LIN9: variants seen among roughly 807,000 people sequenced by gnomAD.
LIN9 encodes lin-9 DREAM MuvB core complex component.
LIN9 carries 18 observed loss-of-function variants against 78.0 expected under a neutral mutation model. That is an observed-to-expected ratio of 0.23 (90% CI 0.16 to 0.34). The LOEUF (loss-of-function observed/expected upper bound fraction) is 0.34. LIN9 is among the 10% of genes least tolerant of loss of function. LIN9 has a pLI of 1.00. For missense variants in LIN9, 451 were observed against 644.1 expected (o/e 0.70, Z 3.25); for synonymous variants, 192 against 215.2 (o/e 0.89, Z 0.94).
In LIN9 at chr1:226,266,283, T is replaced by A; in HGVS notation, c.866A>T (p.Gln289Leu). Residue 289 changes from glutamine to leucine, a missense_variant, in exon 9 of 15, where the codon CAG (glutamine) becomes CTG (leucine). Transcript: ENST00000681046. ...GGTCATAAAAAATCGAGAAGGCCGC[T>A]GTTTTTGTCCAAAGGCAGCAATTGG... is the stretch of plus-strand genomic sequence containing the variant. ...TMPIAAFGQK[Q>L]RPSRFFMTPP... 3 of 1,603,328 alleles carry A rather than the reference T, an allele frequency of 1.9e-6. No homozygotes were observed. The highest frequency in any genetic ancestry group is 2.6e-6 in the Non-Finnish European group (3 of 1,173,108).
intron 7 of LIN9, among the ~76,000 whole-genome samples, chr1:226,276,850 T>C (rs1660695581): frequency 6.6e-6 from 1 of 152,230 alleles, no homozygotes; most frequent in African/African-American, 2.4e-5. Flanking sequence ...CAGAATCACA[T>C]CTATAAAACG....
At chr1:226,287,912 C>G (rs1661473171) in intron 4 of LIN9, 115 bp from the exon 5 acceptor site, 2 of 663,454 alleles carry the variant, frequency 3.0e-6, no homozygotes, top group Non-Finnish European at 2.5e-6. Context: ...AAAAGGTTCA[C>G]TGATTCACTG....
chr1:226,276,500 A>G (rs1660668596), intron 7 of LIN9, among the ~76,000 whole-genome samples: 1 of 152,192 alleles, frequency 6.6e-6, no homozygotes, highest in South Asian at 2.1e-4. Context: ...TCTCTCCTAG[A>G]TAAACTGTGT....
intron 11 of LIN9, 112 bp downstream of exon 11, chr1:226,250,727 A>T: frequency 1.6e-6 from 1 of 619,648 alleles, no homozygotes; most frequent in African/African-American, 1.9e-5. Flanking sequence ...TTTAAAAATA[A>T]TATTTATCTG....
rs1332390751 is a variant in LIN9 at position 226,238,894 on chromosome 1, G to A, written c.1245+77C>T. 3 of 1,445,660 alleles carry A rather than the reference G, an allele frequency of 2.1e-6. No individual in the cohort carries two copies. In the African/African-American group the frequency reaches 4.3e-5, roughly 21 times the overall value. The allele number at this position is 1,445,660 out of a possible 1,614,324, so 89.6% of individuals were successfully genotyped here. A position where few individuals can be genotyped will look rare whatever the true frequency, so the allele number is the denominator to read the frequency against. On this transcript the variant is annotated intron_variant, in intron 12 of 14. Transcript: ENST00000681046. Reference sequence around the variant, plus strand: ...CTTTATGAAGATATTGGCTTGGTATGGATTTTCTAAAGTGTGAAAGTAAAA... The same window carrying A: ...CTTTATGAAGATATTGGCTTGGTATAGATTTTCTAAAGTGTGAAAGTAAAA...
At chr1:226,263,657 T>A (rs1659737665) in intron 10 of LIN9, among the ~76,000 whole-genome samples, 1 of 152,222 alleles carries the variant, frequency 6.6e-6, no homozygotes, top group South Asian at 2.1e-4. Flanking sequence ...TAAAAACAAG[T>A]GTCTTCTTTG....
intron 10 of LIN9, among the ~76,000 whole-genome samples, chr1:226,259,945 A>AAATT (rs3046726): frequency 0.67 from 101,844 of 151,052 alleles, 34,442 homozygotes; most frequent in East Asian, 0.7. Context: ...TGAAAACAGA[A>AAATT]AATAGAAAAA....
At chr1:226,256,650 C>T (rs985205272) in intron 10 of LIN9, among the ~76,000 whole-genome samples, 1 of 151,808 alleles carries the variant, frequency 6.6e-6, no homozygotes, top group Non-Finnish European at 1.5e-5. Flanking sequence ...GCTCCGCCTC[C>T]TGGGTTCACA....
At chr1:226,309,647 T>G, upstream of LIN9, 1 of 1,277,610 alleles carries the variant, frequency 7.8e-7, no homozygotes, top group Admixed American at 2.4e-5. Context: ...CCCACGTTGC[T>G]TGGGCGCCTC....
chr1:226,261,427 T>TG, intron 10 of LIN9, among the ~76,000 whole-genome samples: 2 of 150,858 alleles, frequency 1.3e-5, no homozygotes, highest in South Asian at 4.2e-4. Flanking sequence ...AACTAATAAG[T>TG]GACTACAGCA....
intron 10 of LIN9, among the ~76,000 whole-genome samples, chr1:226,255,744 C>T (rs1250286728): frequency 1.3e-5 from 2 of 151,772 alleles, no homozygotes; most frequent in African/African-American, 2.4e-5. Flanking sequence ...ATTTATTTTT[C>T]TTTTTTTTCT....
chr1:226,248,869 TAAAAC>T (rs1341044795), intron 11 of LIN9, among the ~76,000 whole-genome samples: 3 of 152,126 alleles, frequency 2.0e-5, no homozygotes, highest in African/African-American at 4.8e-5. Flanking sequence ...TTTACATAAA[TAAAAC>T]AAATAATAAA....
intron 4 of LIN9, among the ~76,000 whole-genome samples, chr1:226,290,371 C>T (rs868314799): frequency 4.1e-5 from 6 of 146,856 alleles, no homozygotes; most frequent in East Asian, 3.9e-4. Flanking sequence ...GATGGAGTCT[C>T]GCTCTGTTGC....
intron 12 of LIN9, 129 bp from the exon 13 acceptor site, chr1:226,233,652 A>T (rs569314231): frequency 1.9e-6 from 1 of 534,116 alleles, no homozygotes; most frequent in Non-Finnish European, 2.9e-6. Flanking sequence ...TGGTACTCTT[A>T]CCTTAGAAGT....
chr1:226,285,595 A>G (rs10753418), intron 6 of LIN9, among the ~76,000 whole-genome samples: 65,246 of 151,996 alleles, frequency 0.43, 14,208 homozygotes, highest in East Asian at 0.48. Flanking sequence ...TTCTTCTAAC[A>G]TATTTCCAAT....
chr1:226,262,084 A>C (rs1659625191), intron 10 of LIN9, among the ~76,000 whole-genome samples: 1 of 152,198 alleles, frequency 6.6e-6, no homozygotes, highest in African/African-American at 2.4e-5. Context: ...CCACAAACAA[A>C]CAACAAAAAA....
intron 10 of LIN9, among the ~76,000 whole-genome samples, chr1:226,258,894 C>CAAAAAAAAAAAAAAAAAAAAAAA (rs770169450): frequency 1.8e-5 from 1 of 54,776 alleles, no homozygotes; most frequent in African/African-American, 7.8e-5. Flanking sequence ...TCTGTCTCAA[C>CAAAAAAAAAAAAAAAAAAAAAAA]AAAAAAAAAA....
rs1357102918 is a variant in LIN9, at chr1:226,265,877, C to T, written c.937-243G>A. 2.6e-5 allele frequency among the ~76,000 whole-genome samples: 4 copies of T among 151,786 alleles called. No homozygotes were observed. The highest frequency in any genetic ancestry group is 5.9e-5 in the Non-Finnish European group (4 of 67,936). The stretch of plus-strand genomic sequence containing the variant: ...TATTTTTAGCAGAGACGGCGTTTCA[C>T]CATGTTGATCAGGTTGGTCTCGAAC... On this transcript the variant is annotated intron_variant, in intron 9 of 14. Transcript: ENST00000681046. This position sits in a 1 kb window ranked among gnomAD's most constrained non-coding sequence, Gnocchi z 4.1.
chr1:226,292,301 C>G (rs1401176606), intron 4 of LIN9, among the ~76,000 whole-genome samples: 1 of 152,036 alleles, frequency 6.6e-6, no homozygotes, highest in Non-Finnish European at 1.5e-5. Flanking sequence ...GCTGGGACTA[C>G]AGGCGTGTGC....
Sources: allele counts gnomAD v4.1 joint callset (sites outside exome capture counted in the v4.1 genomes callset), GRCh38; gene constraint gnomAD v4.1.1; non-coding constraint Gnocchi (gnomAD v3.1); transcripts MANE v1.5; gene names NCBI Gene and HGNC (gene_info 2026-07-23, HGNC 2026-07-21).